RXRA: variants seen among roughly 807,000 people sequenced by gnomAD.
The protein encoded by RXRA is retinoic acid receptor RXR-alpha.
Under a neutral mutation model 44.5 loss-of-function variants are expected in RXRA, and 5 were observed. The observed-to-expected ratio is 0.11, with a 90% CI of 0.06 to 0.24. RXRA has a LOEUF of 0.24. RXRA is among the 10% of genes least tolerant of loss of function. The pLI is 1.00. For missense variants in RXRA, 412 were observed against 646.5 expected (o/e 0.64, Z 3.93); for synonymous variants, 291 against 271.4 (o/e 1.07, Z -0.71).
chr9:134,429,917 G>A (rs1471973394), intron 7 of RXRA, among the ~76,000 whole-genome samples: 3 of 151,538 alleles, frequency 2.0e-5, no homozygotes, highest in South Asian at 2.1e-4. Context: ...ATGGAGTCTC[G>A]CTCTGTCGCC....
At chr9:134,329,012 G>A (rs1416615607) in intron 1 of RXRA, among the ~76,000 whole-genome samples, 2 of 152,230 alleles carry the variant, frequency 1.3e-5, no homozygotes, top group Non-Finnish European at 2.9e-5. Context: ...GGGGCTGGCC[G>A]CGCTCCCACG....
intron 1 of RXRA, among the ~76,000 whole-genome samples, chr9:134,362,615 C>T (rs984493841): frequency 2.6e-5 from 4 of 152,226 alleles, no homozygotes; most frequent in African/African-American, 4.8e-5. Context: ...AGAGCCTACT[C>T]CTGGGAGCTG....
At chr9:134,422,905 C>A in intron 6 of RXRA, 2 of 985,420 alleles carry the variant, frequency 2.0e-6, no homozygotes, top group Non-Finnish European at 2.4e-6. Context: ...CTGCCCTTCT[C>A]CTCCCACTCC....
chr9:134,340,640 T>A (rs1449700665), intron 1 of RXRA, among the ~76,000 whole-genome samples: 1 of 152,182 alleles, frequency 6.6e-6, no homozygotes, highest in Non-Finnish European at 1.5e-5. Context: ...TGAGCCTCGA[T>A]GCACGCCTCG....
At chr9:134,392,901 GA>G (rs921314066) in intron 1 of RXRA, among the ~76,000 whole-genome samples, 5 of 152,088 alleles carry the variant, frequency 3.3e-5, no homozygotes, top group African/African-American at 9.7e-5. Context: ...GGCACTCTGG[GA>G]TGGGGCTCCG....
intron 1 of RXRA, among the ~76,000 whole-genome samples, chr9:134,332,142 A>T (rs957150529): frequency 2.6e-5 from 4 of 152,136 alleles, no homozygotes; most frequent in East Asian, 1.9e-4. Flanking sequence ...TGGCTAGGAG[A>T]AGTCCCCACT....
chr9:134,353,522 A>G (rs530848705), intron 1 of RXRA, among the ~76,000 whole-genome samples: 118 of 152,336 alleles, frequency 7.7e-4, no homozygotes, highest in African/African-American at 2.6e-3. Flanking sequence ...CTTACTTTCA[A>G]AGGCGTGTTC....
At position 134,366,309 on chromosome 9, in the gene RXRA, C is replaced by T. The variant is rs1157499393; in HGVS notation, c.29-35323C>T. On this transcript the variant is annotated intron_variant, in intron 1 of 9. Transcript: ENST00000481739. This position sits in a 1 kb window ranked among gnomAD's most constrained non-coding sequence, Gnocchi z 5.9. ...TGCCACAGCCTCTCCCTCTGCCCAC[C>T]CCCCCCATGCCTGCCCTGCCAGCAG... Among the ~76,000 whole-genome samples, 1 of 152,040 alleles carries T rather than the reference C, an allele frequency of 6.6e-6. No homozygotes were observed. The highest frequency in any genetic ancestry group is 1.5e-5 in the Non-Finnish European group (1 of 67,968).
At chr9:134,376,884 C>T (rs1280178781) in intron 1 of RXRA, among the ~76,000 whole-genome samples, 1 of 152,212 alleles carries the variant, frequency 6.6e-6, no homozygotes, top group African/African-American at 2.4e-5. Flanking sequence ...GGCGTCGAGT[C>T]TCTGAGGGGG....
chr9:134,434,901 T>A (rs988744617), intron 9 of RXRA, among the ~76,000 whole-genome samples: 1 of 151,776 alleles, frequency 6.6e-6, no homozygotes, highest in Non-Finnish European at 1.5e-5. Context: ...GCAGACCTCA[T>A]AGGACACCCA....
chr9:134,330,265 C>T (rs1435629218), intron 1 of RXRA, among the ~76,000 whole-genome samples: 1 of 152,250 alleles, frequency 6.6e-6, no homozygotes, highest in East Asian at 1.9e-4. Flanking sequence ...GCCCCTCCTT[C>T]CCTTCTCTGC....
chr9:134,368,454 G>C (rs1830441427), intron 1 of RXRA, among the ~76,000 whole-genome samples: 1 of 152,258 alleles, frequency 6.6e-6, no homozygotes, highest in African/African-American at 2.4e-5. Context: ...AGGATGAGAG[G>C]CTCAGGCAGC....
rs548329136 is a variant in RXRA at position 134,365,962 on chromosome 9, A to T, written c.29-35670A>T. Among the ~76,000 whole-genome samples, 57 of 151,940 alleles carry T rather than the reference A, an allele frequency of 3.8e-4. No homozygotes were observed. The highest frequency in any genetic ancestry group is 1.3e-3 in the African/African-American group (54 of 41,418). On this transcript the variant is annotated intron_variant, in intron 1 of 9. Transcript: ENST00000481739. The surrounding 1 kb of genome is among the most constrained non-coding windows in gnomAD (Gnocchi z 4.0). ...GCTGCCTCCAGTCAGGCGTCCGCTGAGCGACCCCTAGGAGCCGCCTGTCTT... is the reference window on the plus strand; with the variant it reads ...GCTGCCTCCAGTCAGGCGTCCGCTGTGCGACCCCTAGGAGCCGCCTGTCTT...
chr9:134,326,696 G>T, intron 1 of RXRA, 37 bp downstream of exon 1: 1 of 685,308 alleles, frequency 1.5e-6, no homozygotes, highest in Non-Finnish European at 1.8e-6. Flanking sequence ...ACGGGGCCGG[G>T]GGCCGGGGGC....
rs972944975 is a variant in RXRA, at chr9:134,368,245, T to G, written c.29-33387T>G. On this transcript the variant is annotated intron_variant, in intron 1 of 9. Coordinates refer to ENST00000481739, the MANE Select transcript of RXRA (RefSeq NM_002957.6). The stretch of plus-strand genomic sequence containing the variant: ...ACAGTGCCCTGTGTCCCCAGGGCTC[T>G]GCTGATGGTCAGCTGGCCTTGACAG... Among the ~76,000 whole-genome samples, 10 of 152,352 alleles carry G rather than the reference T, an allele frequency of 6.6e-5. No individual in the cohort carries two copies. The South Asian group carries it at 2.1e-3, about 32-fold the overall frequency.
Position 134,434,113 on chromosome 9 carries a change from C to T in RXRA, c.1147C>T (p.Leu383Phe), listed in dbSNP as rs368586400. Residue 383 changes from leucine to phenylalanine, a missense_variant, in exon 9 of 10, where the codon CTC becomes TTC. Leu to Phe is a conservative substitution (Grantham distance 22). This residue lies in a region of RXRA where 141 missense variants were observed against 270.8 expected (regional missense o/e 0.52). Transcript: ENST00000481739. ...CTTCTTCCTTTCAGACTCCAAGGGG[C>T]TCTCGAACCCGGCCGAGGTGGAGGC... ...IVLFNPDSKG[L>F]SNPAEVEALR... is the part of the protein sequence containing the mutation. The T allele has an allele frequency of 6.2e-7, 1 of 1,613,474 alleles. No individual in the cohort carries two copies. The highest frequency in any genetic ancestry group is 8.5e-7 in the Non-Finnish European group (1 of 1,179,768).
intron 1 of RXRA, among the ~76,000 whole-genome samples, chr9:134,368,470 G>T (rs915033857): frequency 6.6e-6 from 1 of 152,262 alleles, no homozygotes; most frequent in Non-Finnish European, 1.5e-5. Flanking sequence ...GCAGCAGAAG[G>T]CTGCAGAGAG....
At chr9:134,338,416 G>A (rs377153676) in intron 1 of RXRA, among the ~76,000 whole-genome samples, 89 of 152,334 alleles carry the variant, frequency 5.8e-4, no homozygotes, top group Middle Eastern at 3.4e-3. Context: ...CCAGATTGAC[G>A]GGCCTCCAGC....
chr9:134,334,934 T>G (rs782141875), intron 1 of RXRA, among the ~76,000 whole-genome samples: 5 of 152,082 alleles, frequency 3.3e-5, no homozygotes, highest in Non-Finnish European at 5.9e-5. Flanking sequence ...CAGCTTATAA[T>G]GGGGAAGAGG....
Sources: allele counts gnomAD v4.1 joint callset (sites outside exome capture counted in the v4.1 genomes callset), GRCh38; gene constraint gnomAD v4.1.1; regional missense constraint gnomAD v4.1.1; non-coding constraint Gnocchi (gnomAD v3.1); transcripts MANE v1.5; gene names NCBI Gene and HGNC (gene_info 2026-07-23, HGNC 2026-07-21).